LGSN: variants seen among roughly 807,000 people sequenced by gnomAD.
LGSN encodes the protein lengsin.
Under a neutral mutation model 19.5 loss-of-function variants are expected in LGSN, and 21 were observed. The observed-to-expected ratio is 1.07, with a 90% CI of 0.76 to 1.55. The LOEUF (loss-of-function observed/expected upper bound fraction) is 1.55, where lower values mean the gene tolerates loss of function less well. Among genes scored for constraint, LGSN ranks in the 40% most tolerant of loss-of-function variants. LGSN has a pLI of 0.00. For missense variants in LGSN, 673 were observed against 608.5 expected (o/e 1.11, Z -1.12); for synonymous variants, 257 against 215.6 (o/e 1.19, Z -1.68).
At chr6:63,526,819 ATATATATATATATATATT>A in the LGSN span, among the ~76,000 whole-genome samples, 2 of 142,746 alleles carry the variant, frequency 1.4e-5, no homozygotes, top group South Asian at 2.2e-4. Context: ...ATATATATAT[ATATATATATATATATATT>A]TATTTATTTA....
chr6:63,342,237 CA>C, the LGSN span, among the ~76,000 whole-genome samples: 2 of 152,192 alleles, frequency 1.3e-5, no homozygotes, highest in Non-Finnish European at 2.9e-5. Context: ...AATGTCTTTA[CA>C]ATTTCATTTT....
At chr6:63,447,408 T>C in the LGSN span, among the ~76,000 whole-genome samples, 2 of 152,200 alleles carry the variant, frequency 1.3e-5, no homozygotes, top group Non-Finnish European at 2.9e-5. Flanking sequence ...AGAAATGAAA[T>C]AGTAGTCTAC....
the LGSN span, among the ~76,000 whole-genome samples, chr6:63,458,287 G>A: frequency 9.9e-5 from 15 of 152,044 alleles, no homozygotes; most frequent in East Asian, 5.8e-4. Context: ...GGCTGGTCTC[G>A]AATTCCCGAC....
the LGSN span, among the ~76,000 whole-genome samples, chr6:63,471,338 GA>G: frequency 1.3e-5 from 2 of 151,718 alleles, no homozygotes; most frequent in Non-Finnish European, 2.9e-5. Context: ...CTCTACTTAG[GA>G]ACTGTTGAAG....
At chr6:63,318,063 T>G (rs767780034) in intron 1 of LGSN, among the ~76,000 whole-genome samples, 8 of 152,200 alleles carry the variant, frequency 5.3e-5, no homozygotes, top group Non-Finnish European at 1.0e-4. Context: ...AATCTATTTT[T>G]TGTCTGCCAC....
chr6:63,342,819 C>T, the LGSN span, among the ~76,000 whole-genome samples: 1 of 152,234 alleles, frequency 6.6e-6, no homozygotes, highest in Non-Finnish European at 1.5e-5. Context: ...CTGGCCCTAG[C>T]CTATGTCAGC....
At chr6:63,540,871 C>T in the LGSN span, among the ~76,000 whole-genome samples, 1 of 150,222 alleles carries the variant, frequency 6.7e-6, no homozygotes, top group East Asian at 2.0e-4. Flanking sequence ...GTCTTGGTGG[C>T]GGTCACCTAT....
At chr6:63,325,577 G>A in the LGSN span, among the ~76,000 whole-genome samples, 1 of 152,208 alleles carries the variant, frequency 6.6e-6, no homozygotes, top group African/African-American at 2.4e-5. Context: ...ATAATGAGTA[G>A]CAAGGTAGAA....
chr6:63,426,927 C>G, the LGSN span, among the ~76,000 whole-genome samples: 2 of 152,134 alleles, frequency 1.3e-5, no homozygotes, highest in Non-Finnish European at 2.9e-5. Flanking sequence ...TGTGTCCTGT[C>G]TTTTCATCCT....
chr6:63,520,530 G>A, the LGSN span, among the ~76,000 whole-genome samples: 1 of 152,002 alleles, frequency 6.6e-6, no homozygotes, highest in Middle Eastern at 3.2e-3. Flanking sequence ...GGGAGGCTGA[G>A]GTAGGAGAAT....
intron 1 of LGSN, among the ~76,000 whole-genome samples, chr6:63,306,494 C>T (rs1340301361): frequency 6.6e-6 from 1 of 152,184 alleles, no homozygotes; most frequent in Non-Finnish European, 1.5e-5. Context: ...GTTTAACCTT[C>T]ATTAGTCCCA....
the LGSN span, among the ~76,000 whole-genome samples, chr6:63,412,400 A>G: frequency 3.0e-5 from 4 of 133,156 alleles, no homozygotes; most frequent in East Asian, 6.1e-4. Flanking sequence ...TGAAAGAAGG[A>G]AAGAAAGAAA....
the LGSN span, among the ~76,000 whole-genome samples, chr6:63,486,754 G>T: frequency 1.5e-5 from 2 of 129,076 alleles, no homozygotes. Flanking sequence ...GTGTGATTAT[G>T]GCTCACTGCA....
chr6:63,459,128 G>A, the LGSN span, among the ~76,000 whole-genome samples: 1 of 152,132 alleles, frequency 6.6e-6, no homozygotes, highest in Non-Finnish European at 1.5e-5. Context: ...AATTCAAAAT[G>A]TCAACAATGT....
At chr6:63,546,712 A>G in the LGSN span, among the ~76,000 whole-genome samples, 1 of 152,162 alleles carries the variant, frequency 6.6e-6, no homozygotes, top group Non-Finnish European at 1.5e-5. Context: ...ATCTCAAAAA[A>G]AAAAAATAGA....
chr6:63,311,197 G>T (rs550065651), intron 1 of LGSN, among the ~76,000 whole-genome samples: 29 of 152,098 alleles, frequency 1.9e-4, no homozygotes, highest in Non-Finnish European at 3.4e-4. Flanking sequence ...GATCATACCG[G>T]TTTAAAATTT....
chr6:63,531,190 T>G, the LGSN span, among the ~76,000 whole-genome samples: 2 of 152,274 alleles, frequency 1.3e-5, no homozygotes, highest in African/African-American at 4.8e-5. Context: ...CAATGAGGGC[T>G]ACCTGCTTCC....
the LGSN span, among the ~76,000 whole-genome samples, chr6:63,565,758 A>G: frequency 6.6e-6 from 1 of 152,174 alleles, no homozygotes; most frequent in South Asian, 2.1e-4. Flanking sequence ...TTCCCACAGA[A>G]ATTAGGATGT....
chr6:63,429,994 A>C, the LGSN span, among the ~76,000 whole-genome samples: 1 of 152,196 alleles, frequency 6.6e-6, no homozygotes. Context: ...AGGAAAGCCA[A>C]AATTTCCCGG....
Sources: gnomAD v4.1 joint callset for allele counts (sites outside exome capture counted in the v4.1 genomes callset) on GRCh38, gnomAD v4.1.1 for gene constraint, MANE v1.5 for transcripts, NCBI Gene and HGNC (gene_info 2026-07-23, HGNC 2026-07-21) for gene names.